TRAP1: variants seen among roughly 807,000 people sequenced by gnomAD.
TRAP1 encodes the protein heat shock protein 75 kDa, mitochondrial.
In TRAP1, 102 loss-of-function variants were observed where a neutral mutation model predicts 89.1. The observed-to-expected ratio is 1.15, with a 90% CI of 0.98 to 1.35. The LOEUF is 1.35. TRAP1 is among the 40% of genes most tolerant of loss of function. TRAP1 has a pLI of 0.00. For missense variants in TRAP1, 1,256 were observed against 945.3 expected, an observed-to-expected ratio of 1.33 and a Z score of -4.31; for synonymous variants, 508 against 388.0, an observed-to-expected ratio of 1.31 and a Z score of -3.64.
At chr16:3,670,937 C>T (rs946940490) in intron 11 of TRAP1, among the ~76,000 whole-genome samples, 4 of 152,094 alleles carry the variant, frequency 2.6e-5, no homozygotes, top group African/African-American at 9.7e-5. Flanking sequence ...GTGTGGGCCT[C>T]TCGCCATGCC....
chr16:3,695,266 G>C (rs1295951837), intron 1 of TRAP1, among the ~76,000 whole-genome samples: 1 of 152,178 alleles, frequency 6.6e-6, no homozygotes, highest in Non-Finnish European at 1.5e-5. Flanking sequence ...AGAATGCAAA[G>C]AAAGCGGGAA....
rs760902038 is a variant in TRAP1, at chr16:3,670,382, CAAAA to C, written c.1235+1336_1235+1339del. 4.6e-3 allele frequency among the ~76,000 whole-genome samples: 105 copies of C among 22,828 alleles called. 1 individual carries two copies. Among genetic ancestry groups the C allele is most frequent in the Admixed American group, 0.039 (59 of 1,510 alleles). The allele number at this position is 22,828 out of a possible 152,430, so 15.0% of individuals were successfully genotyped here. A position where few individuals can be genotyped will look rare whatever the true frequency, so the allele number is the denominator to read the frequency against. Reference sequence around the variant, plus strand: ...TGGGCGACAGAGCAAGACTCCGTCTCAAAAAAAAAAAAAAAAAAAAAAAAAAAAA... The same window carrying C: ...TGGGCGACAGAGCAAGACTCCGTCTCAAAAAAAAAAAAAAAAAAAAAAAAA... On this transcript the variant is annotated intron_variant, in intron 11 of 17. Transcript: ENST00000246957.
intron 1 of TRAP1, among the ~76,000 whole-genome samples, chr16:3,693,786 G>A (rs1409020075): frequency 3.3e-5 from 5 of 151,896 alleles, no homozygotes; most frequent in Admixed American, 6.6e-5. Flanking sequence ...TGAGCCCAGG[G>A]GTTTAAGACC....
intron 11 of TRAP1, 75 bp from the exon 12 acceptor site, chr16:3,666,193 T>A: frequency 4.0e-6 from 6 of 1,513,418 alleles, no homozygotes; most frequent in Non-Finnish European, 5.3e-6. Flanking sequence ...TACGAAAAAA[T>A]GTTCAGCCCC....
At chr16:3,716,611 T>C (rs933883274) in intron 1 of TRAP1, among the ~76,000 whole-genome samples, 4 of 138,798 alleles carry the variant, frequency 2.9e-5, no homozygotes, top group African/African-American at 1.1e-4. Context: ...GCACAATGCA[T>C]ACATGGTTTA....
At chr16:3,701,097 G>A (rs1436884642) in intron 1 of TRAP1, among the ~76,000 whole-genome samples, 3 of 152,098 alleles carry the variant, frequency 2.0e-5, no homozygotes, top group Non-Finnish European at 2.9e-5. Context: ...TAAGACAAAT[G>A]AATGGAAAAA....
At chr16:3,689,543 G>GA (rs919991007) in intron 2 of TRAP1, among the ~76,000 whole-genome samples, 6 of 152,152 alleles carry the variant, frequency 3.9e-5, no homozygotes, top group Admixed American at 3.3e-4. Flanking sequence ...GAAGCAGACA[G>GA]AAACAAAGTC....
intron 1 of TRAP1, among the ~76,000 whole-genome samples, chr16:3,713,677 T>C (rs1337589401): frequency 2.0e-5 from 3 of 152,202 alleles, no homozygotes; most frequent in African/African-American, 7.2e-5. Flanking sequence ...TCATGCAAAA[T>C]GACCAACCCG....
At chr16:3,659,726 C>CA (rs1257677565) in intron 16 of TRAP1, 1 of 150,676 alleles carries the variant, frequency 6.6e-6, no homozygotes, top group Non-Finnish European at 1.5e-5. Context: ...TTCCTAACTG[C>CA]ATCCCTTTAA....
At chr16:3,664,134 G>A (rs1004761565) in intron 13 of TRAP1, 140 bp downstream of exon 13, 40 of 877,064 alleles carry the variant, frequency 4.6e-5, no homozygotes, top group African/African-American at 1.2e-4. Context: ...CAGTCGGTCC[G>A]GCCTCTGTGC....
chr16:3,672,254 TAAG>T (rs1441721835), intron 10 of TRAP1, among the ~76,000 whole-genome samples: 1 of 151,882 alleles, frequency 6.6e-6, no homozygotes, highest in African/African-American at 2.4e-5. Flanking sequence ...GAGAATCACT[TAAG>T]GAGGTTGCAG....
intron 12 of TRAP1, chr16:3,664,940 T>C: frequency 6.4e-6 from 1 of 156,900 alleles, no homozygotes; most frequent in Non-Finnish European, 1.4e-5. Flanking sequence ...TTTGCCCTCC[T>C]CCCCATCAGC....
At chr16:3,698,733 C>G (rs1041677589) in intron 1 of TRAP1, among the ~76,000 whole-genome samples, 1 of 151,978 alleles carries the variant, frequency 6.6e-6, no homozygotes. Flanking sequence ...ATGGCAAAAC[C>G]CCATCTCTAC....
chr16:3,687,738 A>G (rs1001088444), intron 3 of TRAP1, among the ~76,000 whole-genome samples: 6 of 151,840 alleles, frequency 4.0e-5, no homozygotes. Context: ...TACAAATATC[A>G]GCCAGAGGCT....
At chr16:3,703,953 T>C (rs1218045526) in intron 1 of TRAP1, among the ~76,000 whole-genome samples, 1 of 148,930 alleles carries the variant, frequency 6.7e-6, no homozygotes, top group Non-Finnish European at 1.5e-5. Context: ...AGGCGGAGCG[T>C]GCAGTGAGCC....
chr16:3,670,410 A>AAAAAAAAAAAAC (rs2050897398), intron 11 of TRAP1, among the ~76,000 whole-genome samples: 1 of 149,076 alleles, frequency 6.7e-6, no homozygotes, highest in Admixed American at 6.7e-5. Flanking sequence ...AAAAAAAAAA[A>AAAAAAAAAAAAC]ATCTAAGTGG....
chr16:3,673,608 G>A (rs1377867527), intron 9 of TRAP1, among the ~76,000 whole-genome samples: 1 of 152,190 alleles, frequency 6.6e-6, no homozygotes, highest in Non-Finnish European at 1.5e-5. Context: ...GGGCTCCCAC[G>A]CAGGAGCCCT....
Position 3,677,373 on chromosome 16 carries a change from C to T in TRAP1, c.704+125G>A, listed in dbSNP as rs1159525931. The T allele has an allele frequency of 1.2e-5, 16 of 1,307,222 alleles. No homozygotes were observed. The East Asian group carries it at 2.8e-4, about 23-fold the overall frequency. The allele number at this position is 1,307,222 out of a possible 1,614,324, so 81.0% of individuals were successfully genotyped here. ...CACTAACTCCCCAAAATGGGAGAGT[C>T]AGATTTCATATAAAAAGCCCAGAAA... On this transcript the variant is annotated intron_variant, in intron 6 of 17. Transcript: ENST00000246957.
At chr16:3,663,020 T>C (rs2043173469) in intron 14 of TRAP1, 53 bp from the exon 15 acceptor site, 4 of 1,432,076 alleles carry the variant, frequency 2.8e-6, no homozygotes, top group Non-Finnish European at 3.8e-6. Context: ...ACTCCCCGGC[T>C]TCCATGGGGG....
Sources: allele counts gnomAD v4.1 joint callset (sites outside exome capture counted in the v4.1 genomes callset), GRCh38; gene constraint gnomAD v4.1.1; transcripts MANE v1.5; gene names NCBI Gene and HGNC (gene_info 2026-07-23, HGNC 2026-07-21).